Variants in MXI1 observed in about 807,000 individuals in gnomAD.
The protein encoded by MXI1 is MAX interactor 1, dimerization protein.
In MXI1, 18 loss-of-function variants were observed where a neutral mutation model predicts 36.9. That is an observed-to-expected ratio of 0.49 (90% CI 0.34 to 0.72). The LOEUF (loss-of-function observed/expected upper bound fraction) is 0.72. MXI1 is among the 30% of genes least tolerant of loss of function. MXI1 has a pLI of 0.01. For missense variants in MXI1, 304 were observed against 379.1 expected, an observed-to-expected ratio of 0.80 and a Z score of 1.64; for synonymous variants, 160 against 146.7, an observed-to-expected ratio of 1.09 and a Z score of -0.65.
intron 1 of MXI1, among the ~76,000 whole-genome samples, chr10:110,221,929 C>A (rs761419668): frequency 6.6e-6 from 1 of 152,146 alleles, no homozygotes; most frequent in Non-Finnish European, 1.5e-5. Flanking sequence ...CCCTGGGAGG[C>A]GGCAGCTACC....
chr10:110,222,204 A>G (rs1564706393), intron 1 of MXI1, among the ~76,000 whole-genome samples: 1 of 152,226 alleles, frequency 6.6e-6, no homozygotes, highest in Non-Finnish European at 1.5e-5. Context: ...TTAAGAGCTT[A>G]GAGTTCACCT....
Position 110,244,843 on chromosome 10 carries a change from G to A in MXI1, c.423G>A (p.Glu141=). The A allele has an allele frequency of 1.9e-6, 3 of 1,602,846 alleles. No individual in the cohort carries two copies. The highest frequency in any genetic ancestry group is 2.7e-5 in the African/African-American group (2 of 73,490). ...TGTCTTTTAGATCTACACACAATGAGCTGGAAAAGAATCGGTGAGTCAGTG... is the reference window on the plus strand; with the variant it reads ...TGTCTTTTAGATCTACACACAATGAACTGGAAAAGAATCGGTGAGTCAGTG... ...TSTANRSTHN[E]LEKNRRAHLR... is the part of the protein sequence containing the mutation. The change falls in exon 3 of 6, where the codon GAG becomes GAA. Residue 141 remains glutamate, a synonymous_variant. Coordinates refer to ENST00000332674, the MANE Select transcript of MXI1 (RefSeq NM_130439.3).
At chr10:110,254,252 G>A (rs1007000433) in intron 3 of MXI1, among the ~76,000 whole-genome samples, 3 of 151,986 alleles carry the variant, frequency 2.0e-5, no homozygotes, top group Non-Finnish European at 2.9e-5. Flanking sequence ...CATACGTTAC[G>A]ATGATCTGTG....
chr10:110,262,838 C>G (rs1336264690), intron 3 of MXI1, among the ~76,000 whole-genome samples: 1 of 152,058 alleles, frequency 6.6e-6, no homozygotes, highest in Non-Finnish European at 1.5e-5. Flanking sequence ...TTTACACTAC[C>G]TTCAAGATGC....
At chr10:110,225,966 C>T in intron 1 of MXI1, 2 of 962,698 alleles carry the variant, frequency 2.1e-6, no homozygotes, top group Non-Finnish European at 2.5e-6. Flanking sequence ...GCGCTGCTCC[C>T]GCCCCTCCCC....
chr10:110,260,002 A>T (rs1300095479), intron 3 of MXI1, among the ~76,000 whole-genome samples: 1 of 152,050 alleles, frequency 6.6e-6, no homozygotes, highest in African/African-American at 2.4e-5. Flanking sequence ...TTAACTCATA[A>T]GTAAATGACT....
intron 5 of MXI1, among the ~76,000 whole-genome samples, chr10:110,281,659 C>G (rs904977648): frequency 9.9e-5 from 15 of 152,038 alleles, no homozygotes; most frequent in Admixed American, 5.2e-4. Flanking sequence ...TTTTTTTAAA[C>G]ATCAAGAGAC....
intron 3 of MXI1, among the ~76,000 whole-genome samples, chr10:110,259,855 A>G (rs1456885076): frequency 6.6e-6 from 1 of 152,096 alleles, no homozygotes; most frequent in African/African-American, 2.4e-5. Flanking sequence ...CAGTAATGAC[A>G]ACAGAATTTC....
chr10:110,207,770 C>T lies in MXI1; in HGVS notation c.-39C>T, dbSNP rs1051843987. ...CCCGGAGCTCGGCCGGGCCGCGCAGCCCCGTTAGAGGACGAGCTCGGCGGA... is the reference window on the plus strand; with the variant it reads ...CCCGGAGCTCGGCCGGGCCGCGCAGTCCCGTTAGAGGACGAGCTCGGCGGA... On this transcript the variant is annotated 5_prime_UTR_variant, in exon 1 of 6. Transcript: ENST00000332674. 8.8e-7 allele frequency: 1 copy of T among 1,130,054 alleles called. No homozygotes were observed. The highest frequency in any genetic ancestry group is 1.1e-6 in the Non-Finnish European group (1 of 919,916). The allele number at this position is 1,130,054 out of a possible 1,614,324, so 70.0% of individuals were successfully genotyped here.
At chr10:110,219,891 G>C (rs115580183) in intron 1 of MXI1, among the ~76,000 whole-genome samples, 1 of 152,226 alleles carries the variant, frequency 6.6e-6, no homozygotes, top group Non-Finnish European at 1.5e-5. Flanking sequence ...CACAGGAGCT[G>C]TTGGTGTGAC....
intron 3 of MXI1, among the ~76,000 whole-genome samples, chr10:110,255,527 A>T (rs1856256212): frequency 1.3e-5 from 2 of 152,150 alleles, no homozygotes; most frequent in African/African-American, 4.8e-5. Flanking sequence ...CTTCTGATGG[A>T]TTGGGCAAAG....
chr10:110,271,254 ATC>A (rs1190684846), intron 3 of MXI1, among the ~76,000 whole-genome samples: 2 of 152,064 alleles, frequency 1.3e-5, no homozygotes, highest in African/African-American at 4.8e-5. Context: ...TCATAAATAG[ATC>A]TCTCACAAAT....
chr10:110,250,653 G>GA (rs1856045207), intron 3 of MXI1, among the ~76,000 whole-genome samples: 1 of 151,748 alleles, frequency 6.6e-6, no homozygotes, highest in South Asian at 2.1e-4. Flanking sequence ...CCAACATGGT[G>GA]AAACCCCATC....
At chr10:110,271,651 G>A (rs920185226) in intron 3 of MXI1, among the ~76,000 whole-genome samples, 3 of 152,182 alleles carry the variant, frequency 2.0e-5, no homozygotes, top group African/African-American at 7.2e-5. Context: ...GTTTGCAAGG[G>A]TATGAGTTAT....
intron 1 of MXI1, among the ~76,000 whole-genome samples, chr10:110,221,845 C>T (rs533775758): frequency 6.6e-6 from 1 of 152,324 alleles, no homozygotes; most frequent in African/African-American, 2.4e-5. Context: ...TTCTCCCCAG[C>T]TCGGGCAGCA....
chr10:110,217,455 G>A (rs1473298083), intron 1 of MXI1, among the ~76,000 whole-genome samples: 1 of 152,192 alleles, frequency 6.6e-6, no homozygotes, highest in African/African-American at 2.4e-5. Flanking sequence ...GTGAGAGCTG[G>A]TGTGGACTTT....
intron 3 of MXI1, among the ~76,000 whole-genome samples, chr10:110,277,090 C>T (rs1382620521): frequency 2.0e-5 from 3 of 152,162 alleles, no homozygotes; most frequent in Non-Finnish European, 4.4e-5. Context: ...AGTCTGCCCA[C>T]CTTGGCCTCC....
rs539611795 is a variant in MXI1 at position 110,218,384 on chromosome 10, T to A, written c.275-9805T>A. On this transcript the variant is annotated intron_variant, in intron 1 of 5. Transcript: ENST00000332674. The stretch of plus-strand genomic sequence containing the variant: ...AGAATGGCGTGAACCCGGGAGGCGG[T>A]GCTTGCAGTGAGCCGAGATCACACC... 5.6e-3 allele frequency among the ~76,000 whole-genome samples: 828 copies of A among 148,732 alleles called. 10 individuals are homozygous for A. The highest frequency in any genetic ancestry group is 0.023 in the Admixed American group (345 of 14,890).
intron 1 of MXI1, among the ~76,000 whole-genome samples, chr10:110,216,663 A>ATTTTTTTTTTTTTTTTTTTTTT (rs1166044480): frequency 7.6e-5 from 3 of 39,456 alleles, no homozygotes; most frequent in African/African-American, 6.9e-4. Flanking sequence ...TCTGTGTTTA[A>ATTTTTTTTTTTTTTTTTTTTTT]TGTTTTTTTT....
Sources: gnomAD v4.1 joint callset for allele counts (sites outside exome capture counted in the v4.1 genomes callset) on GRCh38, gnomAD v4.1.1 for gene constraint, MANE v1.5 for transcripts, NCBI Gene and HGNC (gene_info 2026-07-23, HGNC 2026-07-21) for gene names.